Variants in SLC17A3 observed in about 807,000 individuals in gnomAD.
SLC17A3 encodes solute carrier family 17 member 3.
SLC17A3 carries 61 observed loss-of-function variants against 60.3 expected under a neutral mutation model. The observed-to-expected ratio is 1.01, with a 90% CI of 0.82 to 1.25. SLC17A3 has a LOEUF of 1.25. Ranked by LOEUF, SLC17A3 falls within the 50% of genes most tolerant of loss-of-function variation. The probability of loss-of-function intolerance (pLI) is 0.00; values close to 1 mark genes in which losing one functional copy is unlikely to be tolerated. For synonymous variants in SLC17A3, 192 were observed against 208.9 expected (o/e 0.92, Z 0.70); for missense variants, 624 against 594.9 (o/e 1.05, Z -0.51).
chr6:25,872,993 C>A (rs940196855), intron 1 of SLC17A3, among the ~76,000 whole-genome samples: 1 of 152,050 alleles, frequency 6.6e-6, no homozygotes, highest in Non-Finnish European at 1.5e-5. Flanking sequence ...ACCCACCTCA[C>A]CATGACAGAC....
At position 25,861,685 on chromosome 6, in the gene SLC17A3, T is replaced by C; in HGVS notation, c.564A>G (p.Ala188=). The change falls in exon 5 of 13, where the codon GCA becomes GCG. Residue 188 remains alanine, a synonymous_variant. Transcript: ENST00000397060. ...SQSSILGGQF[A]IWEKWGPPQE... is the part of the protein sequence containing the mutation. ...GTGGAGGGCCCCACTTTTCCCAAAT[T>C]GCAAACTGACCCCCAAGTATTGAGG... 6.2e-7 allele frequency: 1 copy of C among 1,614,024 alleles called. No homozygotes were observed. Among genetic ancestry groups the C allele is most frequent in the Non-Finnish European group, 8.5e-7 (1 of 1,179,890 alleles).
At chr6:25,850,982 G>A (rs1162909284) in intron 6 of SLC17A3, 105 bp from the exon 7 acceptor site, 4 of 827,036 alleles carry the variant, frequency 4.8e-6, no homozygotes, top group South Asian at 2.8e-5. Context: ...AAAAGCTCAT[G>A]TTCATTATAT....
chr6:25,869,696 A>T (rs1290036202), intron 1 of SLC17A3, among the ~76,000 whole-genome samples: 1 of 151,932 alleles, frequency 6.6e-6, no homozygotes, highest in African/African-American at 2.4e-5. Flanking sequence ...AACTATCAGA[A>T]CTCATAAGAC....
At chr6:25,872,435 T>A (rs1384180778) in intron 1 of SLC17A3, among the ~76,000 whole-genome samples, 2 of 151,462 alleles carry the variant, frequency 1.3e-5, no homozygotes, top group Admixed American at 1.3e-4. Context: ...TCTAAGTGTG[T>A]GTGTCTGTGT....
intron 1 of SLC17A3, 114 bp from the exon 2 acceptor site, chr6:25,868,534 A>T (rs1225176990): frequency 7.2e-6 from 5 of 691,224 alleles, no homozygotes; most frequent in Non-Finnish European, 1.3e-5. Context: ...ATCTGGTTGG[A>T]GACAGGGAGG....
At chr6:25,845,601 C>G in intron 11 of SLC17A3, 85 bp from the exon 12 acceptor site, 1 of 1,479,442 alleles carries the variant, frequency 6.8e-7, no homozygotes, top group Non-Finnish European at 9.4e-7. Flanking sequence ...TGACAACATT[C>G]ACTGGTGGGT....
At chr6:25,868,494 G>T in intron 1 of SLC17A3, 74 bp from the exon 2 acceptor site, 1 of 1,015,242 alleles carries the variant, frequency 9.8e-7, no homozygotes, top group Non-Finnish European at 1.5e-6. Context: ...TTAAACAAGG[G>T]CACCAAGGAA....
At chr6:25,846,016 G>A (rs1765168037) in intron 11 of SLC17A3, among the ~76,000 whole-genome samples, 1 of 152,096 alleles carries the variant, frequency 6.6e-6, no homozygotes, top group South Asian at 2.1e-4. Flanking sequence ...AGTTAAATGA[G>A]TTTACAGCAT....
chr6:25,845,403 C>G lies in SLC17A3; in HGVS notation c.1476G>C (p.Glu492Asp), dbSNP rs369405856. 6.2e-6 allele frequency: 10 copies of G among 1,613,892 alleles called. No individual in the cohort carries two copies. Among genetic ancestry groups the G allele is most frequent in the Non-Finnish European group, 8.5e-6 (10 of 1,179,952 alleles). The change falls in exon 12 of 13, where the codon GAG becomes GAC. Residue 492 changes from glutamate to aspartate, a missense_variant. Glu to Asp is a conservative substitution (Grantham distance 45). Transcript: ENST00000397060. Reference sequence around the variant, plus strand: ...ACCTTCATAAACGAGTGAGTTTTCTCTCTTTAGCCCATTCTTGGACATCTG... The same window carrying G: ...ACCTTCATAAACGAGTGAGTTTTCTGTCTTTAGCCCATTCTTGGACATCTG... Reference protein sequence around the residue: ...GEADVQEWAKERKLTRL With the variant: ...GEADVQEWAKDRKLTRL
intron 2 of SLC17A3, among the ~76,000 whole-genome samples, chr6:25,867,025 A>G (rs1765547308): frequency 6.6e-6 from 1 of 151,998 alleles, no homozygotes; most frequent in East Asian, 1.9e-4. Flanking sequence ...GAATAGGTCC[A>G]AAACCAAACT....
chr6:25,849,874 G>A lies in SLC17A3; in HGVS notation c.1202C>T (p.Thr401Met), dbSNP rs189010994. The A allele has an allele frequency of 3.4e-5, 55 of 1,613,918 alleles. No individual in the cohort carries two copies. In the Middle Eastern group the frequency reaches 4.9e-4, roughly 15 times the overall value. The change falls in exon 10 of 13, where the codon ACG becomes ATG. Residue 401 changes from threonine to methionine, a missense_variant. Thr to Met is a moderately conservative substitution (Grantham distance 81). Coordinates refer to ENST00000397060, the MANE Select transcript of SLC17A3 (RefSeq NM_001098486.2). ...SGYITATALLTLSCGLSTLCQ... is the reference protein window; with the variant it reads ...SGYITATALLMLSCGLSTLCQ... ...CAATGTGCTTAATCCGCAAGAGAGC[G>A]TCAGCAAGGCAGTTGCTGTGATATA...
chr6:25,850,953 T>G, intron 6 of SLC17A3, 76 bp from the exon 7 acceptor site: 1 of 1,061,954 alleles, frequency 9.4e-7, no homozygotes, highest in Non-Finnish European at 1.5e-6. Context: ...TTGGGATATT[T>G]TCTGTTATAA....
intron 10 of SLC17A3, 37 bp from the exon 11 acceptor site, chr6:25,849,501 G>A (rs1354502127): frequency 7.7e-7 from 1 of 1,302,348 alleles, no homozygotes; most frequent in South Asian, 1.2e-5. Context: ...TAGATCCAGA[G>A]ATGTTTGACA....
At chr6:25,855,283 C>T in intron 5 of SLC17A3, 53 bp from the exon 6 acceptor site, 1 of 1,256,990 alleles carries the variant, frequency 8.0e-7, no homozygotes, top group Non-Finnish European at 1.2e-6. Flanking sequence ...ACCTGGAAAA[C>T]ACATACAAAT....
rs748762820 is a variant in SLC17A3 at position 25,855,235 on chromosome 6, A to C, written c.626-5T>G. ...TAAAGCATCCCAGTAACATTCCTGC[A>C]AAGAGAGAGAAAGTAAGCTGTGGGA... On this transcript the variant is annotated splice_polypyrimidine_tract_variant and splice_region_variant and intron_variant, in intron 5 of 12. Coordinates refer to ENST00000397060, the MANE Select transcript of SLC17A3 (RefSeq NM_001098486.2). The C allele has an allele frequency of 7.9e-5, 126 of 1,603,588 alleles. 1 individual carries two copies. Among genetic ancestry groups the C allele is most frequent in the Non-Finnish European group, 1.0e-4 (119 of 1,170,958 alleles).
At chr6:25,852,231 C>A (rs1418344029) in intron 6 of SLC17A3, among the ~76,000 whole-genome samples, 2 of 152,144 alleles carry the variant, frequency 1.3e-5, no homozygotes, top group Admixed American at 1.3e-4. Context: ...TTGTTCCTCT[C>A]TCTATAACAC....
chr6:25,856,307 G>A (rs1164563852), intron 5 of SLC17A3, among the ~76,000 whole-genome samples: 5 of 152,092 alleles, frequency 3.3e-5, no homozygotes, highest in Non-Finnish European at 5.9e-5. Context: ...TGCAATCACA[G>A]TTTACTGTAA....
At position 25,850,454 on chromosome 6, in the gene SLC17A3, C is replaced by T; in HGVS notation, c.993+5G>A. 1 of 1,613,512 alleles carries T rather than the reference C, an allele frequency of 6.2e-7. No homozygotes were observed. Among genetic ancestry groups the T allele is most frequent in the East Asian group, 2.2e-5 (1 of 44,854 alleles). ...GGAGAAAGGAAGGGAAGGAAACATA[C>T]TCACGTCTCTGATGTTAACATGGTA... On this transcript the variant is annotated splice_donor_5th_base_variant and intron_variant, in intron 8 of 12. Coordinates refer to ENST00000397060, the MANE Select transcript of SLC17A3 (RefSeq NM_001098486.2).
At chr6:25,850,247 C>T in intron 8 of SLC17A3, 70 bp from the exon 9 acceptor site, 1 of 1,486,196 alleles carries the variant, frequency 6.7e-7, no homozygotes, top group Non-Finnish European at 9.3e-7. Context: ...TGATAAATTA[C>T]TACTAATAAT....
Sources: allele counts gnomAD v4.1 joint callset (sites outside exome capture counted in the v4.1 genomes callset), GRCh38; gene constraint gnomAD v4.1.1; transcripts MANE v1.5; gene names NCBI Gene and HGNC (gene_info 2026-07-23, HGNC 2026-07-21).